Variants in EPB41 observed in about 807,000 individuals in gnomAD.
EPB41 encodes erythrocyte membrane protein band 4.1.
Under a neutral mutation model 108.0 loss-of-function variants are expected in EPB41, and 65 were observed. The observed-to-expected ratio is 0.60, with a 90% CI of 0.49 to 0.74. The LOEUF is 0.74. Ranked by LOEUF, EPB41 falls within the 30% of genes least tolerant of loss-of-function variation. The pLI, the probability that EPB41 is intolerant of heterozygous loss-of-function variation, is 0.00. For synonymous variants in EPB41, 336 were observed against 358.9 expected, an observed-to-expected ratio of 0.94 and a Z score of 0.72; for missense variants, 875 against 1,037.0, an observed-to-expected ratio of 0.84 and a Z score of 2.15.
At chr1:28,895,949 C>T (rs7525619) in intron 1 of EPB41, among the ~76,000 whole-genome samples, 1 of 152,174 alleles carries the variant, frequency 6.6e-6, no homozygotes, top group Non-Finnish European at 1.5e-5. Flanking sequence ...ACTGCACCCC[C>T]ACCCAGGCCT....
At position 29,053,267 on chromosome 1, in the gene EPB41, C is replaced by T. The variant is rs139530083; in HGVS notation, c.1800C>T (p.Asp600=). The change falls in exon 12 of 21, where the codon GAC becomes GAT. Residue 600 remains aspartate, a synonymous_variant. Transcript: ENST00000343067. ...TGAAGGCTGAAGTGAAAAAGGAAGA[C>T]GAGCCACCTGAGCAAGCTGAGCCAG... is the stretch of plus-strand genomic sequence containing the variant. The part of the protein sequence containing the change: ...ETVKAEVKKE[D]EPPEQAEPEP... 1.8e-4 allele frequency: 295 copies of T among 1,614,108 alleles called. 2 individuals carry two copies. In the Middle Eastern group the frequency reaches 5.3e-3, roughly 29 times the overall value.
In EPB41 at chr1:29,068,883, A is replaced by G. The variant is rs1028944673; in HGVS notation, c.2184+3725A>G. On this transcript the variant is annotated intron_variant, in intron 16 of 20. Coordinates refer to ENST00000343067, the MANE Select transcript of EPB41 (RefSeq NM_001376013.1). ...CAGAACTGAACAACAGCTGCTGAATACCTTTTTTTCTTTTGGCTATACTAG... is the reference window on the plus strand; with the variant it reads ...CAGAACTGAACAACAGCTGCTGAATGCCTTTTTTTCTTTTGGCTATACTAG... The G allele has an allele frequency of 8.0e-6, 8 of 1,001,218 alleles. No individual in the cohort carries two copies. In the African/African-American group the frequency reaches 1.2e-4, roughly 15 times the overall value. The allele number at this position is 1,001,218 out of a possible 1,614,324, so 62.0% of individuals were successfully genotyped here.
intron 1 of EPB41, among the ~76,000 whole-genome samples, chr1:28,986,114 A>T (rs921707369): frequency 2.0e-5 from 3 of 151,444 alleles, no homozygotes; most frequent in African/African-American, 7.3e-5. Flanking sequence ...GTTTACTGAG[A>T]ATGATGGTTT....
rs141351853 is a variant in EPB41, at chr1:28,997,201, G to A, written c.682-14G>A. On this transcript the variant is annotated splice_polypyrimidine_tract_variant and intron_variant, in intron 3 of 20. Transcript: ENST00000343067. ...AGAAACCTCAACTCAACTAAGTCAC[G>A]TATATCTTTGCAGAAACATGCTAAG... The A allele has an allele frequency of 1.5e-4, 239 of 1,578,052 alleles. No individual in the cohort carries two copies. The highest frequency in any genetic ancestry group is 3.3e-4 in the Middle Eastern group (2 of 6,000).
chr1:29,029,325 C>CAT (rs1033535009), intron 7 of EPB41, among the ~76,000 whole-genome samples: 3 of 152,068 alleles, frequency 2.0e-5, no homozygotes, highest in Admixed American at 2.0e-4. Context: ...TTCATGAAGG[C>CAT]TAAATCAGTA....
chr1:29,031,012 G>C (rs1054163488), intron 8 of EPB41, among the ~76,000 whole-genome samples: 1 of 151,884 alleles, frequency 6.6e-6, no homozygotes, highest in Non-Finnish European at 1.5e-5. Flanking sequence ...TAGTAGAGAC[G>C]GGGTTTCACC....
At chr1:29,087,184 G>T (rs546867894) in intron 16 of EPB41, among the ~76,000 whole-genome samples, 1 of 151,672 alleles carries the variant, frequency 6.6e-6, no homozygotes, top group Non-Finnish European at 1.5e-5. Context: ...CTTGTGATCC[G>T]CCCGCCTTGG....
chr1:28,910,746 C>G (rs141954173), upstream of EPB41, among the ~76,000 whole-genome samples: 166 of 151,712 alleles, frequency 1.1e-3, 1 homozygote, highest in Middle Eastern at 6.8e-3. Flanking sequence ...TTCACACTGT[C>G]TTTTTTTTTC....
intron 1 of EPB41, among the ~76,000 whole-genome samples, chr1:28,932,980 T>C (rs1430587452): frequency 6.6e-6 from 1 of 152,228 alleles, no homozygotes; most frequent in Non-Finnish European, 1.5e-5. Flanking sequence ...AATACCTCAG[T>C]TGACAATTTA....
intron 1 of EPB41, among the ~76,000 whole-genome samples, chr1:28,905,059 C>T (rs1332102845): frequency 4.4e-5 from 6 of 137,832 alleles, no homozygotes; most frequent in Admixed American, 7.3e-5. Flanking sequence ...ATTAGCCAGG[C>T]GTGGTGGTGG....
At position 28,932,111 on chromosome 1, in the gene EPB41, T is replaced by C. The variant is rs116111819; in HGVS notation, c.-8+17343T>C. Among the ~76,000 whole-genome samples, 569 of 152,254 alleles carry C rather than the reference T, an allele frequency of 3.7e-3. 6 individuals carry two copies. Among genetic ancestry groups the C allele is most frequent in the African/African-American group, 0.013 (530 of 41,554 alleles). ...GATTTAATGTTCAACTAGAAACTTG[T>C]AGTGTTTTGTTTTGTTTTTTGTTTT... On this transcript the variant is annotated intron_variant, in intron 1 of 20. Coordinates refer to ENST00000343067, the MANE Select transcript of EPB41 (RefSeq NM_001376013.1).
At chr1:28,977,949 A>AAC (rs1557886792) in intron 1 of EPB41, among the ~76,000 whole-genome samples, 123 of 144,264 alleles carry the variant, frequency 8.5e-4, no homozygotes, top group Middle Eastern at 3.7e-3. Context: ...GTTTCATTTT[A>AAC]TATTCTCTTT....
At position 28,997,699 on chromosome 1, in the gene EPB41, TATA is replaced by T. The variant is rs201214552; in HGVS notation, c.786+383_786+385del. Among the ~76,000 whole-genome samples the T allele has an allele frequency of 5.0e-3, 765 of 151,976 alleles. 8 individuals are homozygous for T. The highest frequency in any genetic ancestry group is 0.016 in the African/African-American group (677 of 41,494). On this transcript the variant is annotated intron_variant, in intron 4 of 20. Coordinates refer to ENST00000343067, the MANE Select transcript of EPB41 (RefSeq NM_001376013.1). Reference sequence around the variant, plus strand: ...TGAATGGATGATCTGTTATTAATATTATAATGACATATCATAATTAAATATAAT... The same window carrying T: ...TGAATGGATGATCTGTTATTAATATTATGACATATCATAATTAAATATAAT...
At chr1:29,016,025 GA>G (rs1484518150) in intron 6 of EPB41, among the ~76,000 whole-genome samples, 1 of 152,184 alleles carries the variant, frequency 6.6e-6, no homozygotes, top group African/African-American at 2.4e-5. Context: ...GCTTATCATG[GA>G]TATTATGCCA....
chr1:29,016,300 C>T (rs2096577651), intron 6 of EPB41, among the ~76,000 whole-genome samples: 1 of 151,770 alleles, frequency 6.6e-6, no homozygotes. Flanking sequence ...CTCAGCCTCC[C>T]GAGTAGCTGG....
At chr1:28,946,522 T>C (rs1161811396) in intron 1 of EPB41, among the ~76,000 whole-genome samples, 2 of 152,240 alleles carry the variant, frequency 1.3e-5, no homozygotes, top group African/African-American at 2.4e-5. Flanking sequence ...GTGACAATTT[T>C]GGATATTTTA....
intron 16 of EPB41, among the ~76,000 whole-genome samples, chr1:29,093,358 A>G (rs1213083723): frequency 6.6e-6 from 1 of 152,138 alleles, no homozygotes; most frequent in Non-Finnish European, 1.5e-5. Flanking sequence ...CTTCTTTTGA[A>G]AAGTGTTCAT....
chr1:29,013,834 G>GTTTTTTT (rs537368192), intron 5 of EPB41, among the ~76,000 whole-genome samples: 2 of 131,850 alleles, frequency 1.5e-5, no homozygotes, highest in African/African-American at 2.9e-5. Context: ...CAGCCCTTAA[G>GTTTTTTT]TTTTTTTTTT....
chr1:29,070,249 T>C, intron 16 of EPB41: 1 of 830,360 alleles, frequency 1.2e-6, no homozygotes, highest in Non-Finnish European at 1.6e-6. Context: ...ATGAAGAGTG[T>C]CTAAAAGATA....
Sources: allele counts gnomAD v4.1 joint callset (sites outside exome capture counted in the v4.1 genomes callset), GRCh38; gene constraint gnomAD v4.1.1; transcripts MANE v1.5; gene names NCBI Gene and HGNC (gene_info 2026-07-23, HGNC 2026-07-21).